KCND2: variants seen among roughly 807,000 people sequenced by gnomAD.
The protein encoded by KCND2 is potassium voltage-gated channel subfamily D member 2.
A neutral mutation model predicts 54.4 loss-of-function variants in KCND2; 16 were observed. The ratio of observed to expected loss-of-function variants is 0.29; its 90% CI spans 0.20 to 0.45. The LOEUF is 0.45. KCND2 is among the 20% of genes least tolerant of loss of function. KCND2 has a pLI of 1.00. For synonymous variants in KCND2, 317 were observed against 310.7 expected, an observed-to-expected ratio of 1.02 and a Z score of -0.21; for missense variants, 486 against 824.2, an observed-to-expected ratio of 0.59 and a Z score of 5.02.
intron 1 of KCND2, among the ~76,000 whole-genome samples, chr7:120,488,719 C>G (rs922316966): frequency 3.3e-5 from 5 of 151,976 alleles, no homozygotes; most frequent in Admixed American, 2.0e-4. Flanking sequence ...GTTTAAAATA[C>G]ATCCTTTCCT....
At chr7:120,578,923 C>A (rs1792475796) in intron 1 of KCND2, among the ~76,000 whole-genome samples, 1 of 151,616 alleles carries the variant, frequency 6.6e-6, no homozygotes, top group Non-Finnish European at 1.5e-5. Flanking sequence ...GTCTCACACA[C>A]ACACACACAC....
chr7:120,728,284 T>A (rs1431730878), intron 1 of KCND2, among the ~76,000 whole-genome samples: 99 of 144,738 alleles, frequency 6.8e-4, no homozygotes, highest in African/African-American at 2.4e-3. Context: ...TTCTTCTTCT[T>A]TTTTTTTTTT....
At chr7:120,580,157 T>TC (rs1792496943) in intron 1 of KCND2, among the ~76,000 whole-genome samples, 1 of 152,236 alleles carries the variant, frequency 6.6e-6, no homozygotes, top group Non-Finnish European at 1.5e-5. Flanking sequence ...ATAACCCTCT[T>TC]ACTCTTTAAG....
At chr7:120,666,115 T>C (rs1258473827) in intron 1 of KCND2, among the ~76,000 whole-genome samples, 3 of 152,034 alleles carry the variant, frequency 2.0e-5, no homozygotes, top group Non-Finnish European at 4.4e-5. Context: ...TACATGTGAG[T>C]GCATCATGCC....
intron 1 of KCND2, among the ~76,000 whole-genome samples, chr7:120,668,615 A>G (rs1414330032): frequency 2.0e-5 from 3 of 152,100 alleles, no homozygotes; most frequent in Non-Finnish European, 4.4e-5. Flanking sequence ...GGTCTAATAA[A>G]ATTTTAATAG....
At chr7:120,585,179 CT>C (rs113418068) in intron 1 of KCND2, among the ~76,000 whole-genome samples, 17,369 of 144,626 alleles carry the variant, frequency 0.12, 1,460 homozygotes, top group African/African-American at 0.26. Context: ...AGTGTAGAGA[CT>C]TTTTTTTTTT....
At chr7:120,362,016 A>G (rs1201857064) in intron 1 of KCND2, among the ~76,000 whole-genome samples, 1 of 152,022 alleles carries the variant, frequency 6.6e-6, no homozygotes, top group African/African-American at 2.4e-5. Flanking sequence ...AATTATAACC[A>G]AATCCATAAT....
At chr7:120,501,566 A>G (rs1802935914) in intron 1 of KCND2, among the ~76,000 whole-genome samples, 1 of 152,194 alleles carries the variant, frequency 6.6e-6, no homozygotes, top group Admixed American at 6.6e-5. Flanking sequence ...TAGTTTTGAA[A>G]AACATAAACT....
intron 1 of KCND2, among the ~76,000 whole-genome samples, chr7:120,525,251 C>A (rs1007850825): frequency 1.3e-5 from 2 of 152,068 alleles, no homozygotes; most frequent in African/African-American, 4.8e-5. Context: ...ATAAACTATT[C>A]TTTGGAGAAG....
chr7:120,712,259 T>C, intron 1 of KCND2, among the ~76,000 whole-genome samples: 1 of 101,360 alleles, frequency 9.9e-6, no homozygotes. Context: ...TTTTTTTTTT[T>C]TTTTTTTTTT....
At chr7:120,736,365 G>A (rs907202529) in intron 2 of KCND2, among the ~76,000 whole-genome samples, 1 of 150,664 alleles carries the variant, frequency 6.6e-6, no homozygotes, top group African/African-American at 2.5e-5. Flanking sequence ...CATGCTGGTG[G>A]GTATAGGCCT....
At chr7:120,314,452 G>C (rs2116319792) in intron 1 of KCND2, among the ~76,000 whole-genome samples, 1 of 152,138 alleles carries the variant, frequency 6.6e-6, no homozygotes, top group South Asian at 2.1e-4. Context: ...ATAATGTATG[G>C]ACAGTGTGGG....
At chr7:120,288,620 T>C (rs541639745) in intron 1 of KCND2, among the ~76,000 whole-genome samples, 52 of 152,230 alleles carry the variant, frequency 3.4e-4, no homozygotes, top group African/African-American at 1.2e-3. Flanking sequence ...ATAATCTTTT[T>C]CTCATGAGGT....
At chr7:120,446,793 C>T (rs2116208604) in intron 1 of KCND2, among the ~76,000 whole-genome samples, 1 of 152,260 alleles carries the variant, frequency 6.6e-6, no homozygotes, top group Middle Eastern at 3.4e-3. Flanking sequence ...TTGGAGTTCA[C>T]TATGGGTCTA....
intron 1 of KCND2, among the ~76,000 whole-genome samples, chr7:120,516,639 C>G (rs1803201018): frequency 1.3e-5 from 2 of 152,068 alleles, no homozygotes; most frequent in African/African-American, 4.8e-5. Flanking sequence ...GCCGGACTCT[C>G]CAAGTGCTGA....
At chr7:120,443,649 T>C (rs1801976846) in intron 1 of KCND2, among the ~76,000 whole-genome samples, 1 of 151,988 alleles carries the variant, frequency 6.6e-6, no homozygotes, top group South Asian at 2.1e-4. Context: ...ATTCCAATAC[T>C]TTCAAAGACT....
chr7:120,321,666 A>G (rs990640515), intron 1 of KCND2, among the ~76,000 whole-genome samples: 8 of 152,120 alleles, frequency 5.3e-5, no homozygotes, highest in African/African-American at 1.9e-4. Flanking sequence ...TGGAATATAC[A>G]CACAAGCAAC....
At chr7:120,511,613 G>A (rs778303141) in intron 1 of KCND2, among the ~76,000 whole-genome samples, 1 of 152,082 alleles carries the variant, frequency 6.6e-6, no homozygotes, top group African/African-American at 2.4e-5. Flanking sequence ...TTGTTACTTT[G>A]TCATTTTCTG....
chr7:120,332,748 T>G (rs1457881404), intron 1 of KCND2, among the ~76,000 whole-genome samples: 1 of 152,102 alleles, frequency 6.6e-6, no homozygotes, highest in East Asian at 1.9e-4. Flanking sequence ...ACTTGATTGC[T>G]TAACATTTTT....
Sources: gnomAD v4.1 joint callset for allele counts (sites outside exome capture counted in the v4.1 genomes callset) on GRCh38, gnomAD v4.1.1 for gene constraint, MANE v1.5 for transcripts, NCBI Gene and HGNC (gene_info 2026-07-23, HGNC 2026-07-21) for gene names.